Variants in CFAP299 observed in about 807,000 individuals in gnomAD.
The protein encoded by CFAP299 is cilia and flagella associated protein 299.
CFAP299 carries 21 observed loss-of-function variants against 27.0 expected under a neutral mutation model. The ratio of observed to expected loss-of-function variants is 0.78; its 90% CI spans 0.55 to 1.12. CFAP299 has a LOEUF of 1.12. Among genes scored for constraint, CFAP299 ranks in the 50% most tolerant of loss-of-function variants. CFAP299 has a pLI of 0.00. For synonymous variants in CFAP299, 104 were observed against 98.1 expected (o/e 1.06, Z -0.36); for missense variants, 310 against 276.6 (o/e 1.12, Z -0.86).
intron 3 of CFAP299, among the ~76,000 whole-genome samples, chr4:80,692,409 A>T (rs1720779226): frequency 6.6e-6 from 1 of 152,194 alleles, no homozygotes; most frequent in African/African-American, 2.4e-5. Flanking sequence ...CAACTATCTG[A>T]TCTTTGAGAA....
In CFAP299 at chr4:80,562,550, C is replaced by T. The variant is rs1313252653; in HGVS notation, c.243-20543C>T. On this transcript the variant is annotated intron_variant, in intron 2 of 5. Transcript: ENST00000358105. The stretch of plus-strand genomic sequence containing the variant: ...ACAAATTAAAAATAAAGACTATCCT[C>T]GGGAGGCTGAGCCATGAGAATCATT... 4.6e-5 allele frequency among the ~76,000 whole-genome samples: 7 copies of T among 151,454 alleles called. No homozygotes were observed. The East Asian group carries it at 5.8e-4, about 13-fold the overall frequency.
rs1339330408 is a variant in CFAP299 at position 80,529,936 on chromosome 4, T to G, written c.243-53157T>G. Among the ~76,000 whole-genome samples, 3 of 152,170 alleles carry G rather than the reference T, an allele frequency of 2.0e-5. No individual in the cohort carries two copies. The South Asian group carries it at 6.2e-4, about 32-fold the overall frequency. ...TCCATTTTGTAATATGGTACACAAT[T>G]TTGAAATATTAATCTCTTGTTATAA... On this transcript the variant is annotated intron_variant, in intron 2 of 5. Coordinates refer to ENST00000358105, the MANE Select transcript of CFAP299 (RefSeq NM_152770.3).
At chr4:80,659,268 A>T (rs1740713205) in intron 3 of CFAP299, among the ~76,000 whole-genome samples, 1 of 152,084 alleles carries the variant, frequency 6.6e-6, no homozygotes, top group South Asian at 2.1e-4. Context: ...CAAAAGTGCA[A>T]ACTGCAGAGG....
intron 3 of CFAP299, among the ~76,000 whole-genome samples, chr4:80,758,574 C>T (rs1183072416): frequency 6.6e-6 from 1 of 152,142 alleles, no homozygotes; most frequent in Non-Finnish European, 1.5e-5. Context: ...GACCCACTCT[C>T]TTCTGCCCAG....
intron 3 of CFAP299, among the ~76,000 whole-genome samples, chr4:80,820,919 A>G (rs544290109): frequency 1.3e-5 from 2 of 152,304 alleles, no homozygotes; most frequent in South Asian, 4.1e-4. Flanking sequence ...ATCATTACTG[A>G]GAAATTGTGT....
At chr4:80,894,167 T>G (rs1487097358) in intron 4 of CFAP299, among the ~76,000 whole-genome samples, 1 of 151,858 alleles carries the variant, frequency 6.6e-6, no homozygotes, top group African/African-American at 2.4e-5. Flanking sequence ...CACAATAAAA[T>G]ATCACCTCAC....
intron 3 of CFAP299, among the ~76,000 whole-genome samples, chr4:80,791,076 G>T (rs1727537070): frequency 6.6e-6 from 1 of 151,978 alleles, no homozygotes; most frequent in African/African-American, 2.4e-5. Context: ...AACCTTATAA[G>T]TTTTCAATGA....
At chr4:80,765,508 T>G (rs1031339567) in intron 3 of CFAP299, among the ~76,000 whole-genome samples, 2 of 152,042 alleles carry the variant, frequency 1.3e-5, no homozygotes, top group African/African-American at 4.8e-5. Context: ...TTCAAAAACT[T>G]AACAAAATTT....
chr4:80,852,125 T>C (rs75097819), intron 3 of CFAP299, among the ~76,000 whole-genome samples: 1 of 152,334 alleles, frequency 6.6e-6, no homozygotes, highest in East Asian at 1.9e-4. Flanking sequence ...CCTTCCCGCC[T>C]TCTCTTCCCT....
chr4:80,877,849 C>G (rs1424770544), intron 4 of CFAP299, among the ~76,000 whole-genome samples: 1 of 151,980 alleles, frequency 6.6e-6, no homozygotes, highest in African/African-American at 2.4e-5. Flanking sequence ...CTAGACAAAA[C>G]AATTGTTAAC....
At chr4:80,386,469 C>T in intron 2 of CFAP299, 3 of 1,538,998 alleles carry the variant, frequency 1.9e-6, no homozygotes, top group Non-Finnish European at 2.6e-6. Context: ...GCGCCCACCA[C>T]TGCCGCCACG....
At chr4:80,936,756 A>G (rs1372628537) in intron 4 of CFAP299, among the ~76,000 whole-genome samples, 8 of 152,128 alleles carry the variant, frequency 5.3e-5, no homozygotes, top group Non-Finnish European at 8.8e-5. Flanking sequence ...TACTTATATA[A>G]CAAATCTGCA....
At chr4:80,850,936 G>T (rs36038057) in intron 3 of CFAP299, among the ~76,000 whole-genome samples, 22,678 of 152,054 alleles carry the variant, frequency 0.15, 2,039 homozygotes, top group Middle Eastern at 0.27. Context: ...GGAAGTAAAA[G>T]AAATCAAAGT....
intron 3 of CFAP299, among the ~76,000 whole-genome samples, chr4:80,759,882 T>C (rs1725454907): frequency 6.6e-6 from 1 of 152,220 alleles, no homozygotes; most frequent in Non-Finnish European, 1.5e-5. Flanking sequence ...CGTGTTTTTT[T>C]TTGTAAACCT....
chr4:80,456,152 C>A (rs1729141545), intron 2 of CFAP299, among the ~76,000 whole-genome samples: 1 of 152,074 alleles, frequency 6.6e-6, no homozygotes. Flanking sequence ...AAAAGCCAAA[C>A]CCCATGCTTG....
chr4:80,442,002 G>T (rs903624533), intron 2 of CFAP299, among the ~76,000 whole-genome samples: 5 of 152,126 alleles, frequency 3.3e-5, no homozygotes, highest in African/African-American at 1.2e-4. Context: ...AACAAGAATA[G>T]CTAACTATCC....
intron 1 of CFAP299, among the ~76,000 whole-genome samples, chr4:80,356,782 TA>T (rs1157088891): frequency 6.6e-6 from 1 of 152,062 alleles, no homozygotes; most frequent in Non-Finnish European, 1.5e-5. Flanking sequence ...AATCTGCAAA[TA>T]AAGACAATTT....
intron 2 of CFAP299, among the ~76,000 whole-genome samples, chr4:80,438,210 C>T (rs565236327): frequency 1.3e-5 from 2 of 152,050 alleles, no homozygotes; most frequent in Non-Finnish European, 2.9e-5. Flanking sequence ...AGACCACAGA[C>T]CTCACTAAGA....
At chr4:80,475,788 G>A (rs1166704370) in intron 2 of CFAP299, among the ~76,000 whole-genome samples, 1 of 152,084 alleles carries the variant, frequency 6.6e-6, no homozygotes, top group Non-Finnish European at 1.5e-5. Flanking sequence ...AACTAATTAA[G>A]AACCCCTAAG....
Sources: gnomAD v4.1 joint callset for allele counts (sites outside exome capture counted in the v4.1 genomes callset) on GRCh38, gnomAD v4.1.1 for gene constraint, MANE v1.5 for transcripts, NCBI Gene and HGNC (gene_info 2026-07-23, HGNC 2026-07-21) for gene names.